Variants in ACSL4 observed in about 807,000 individuals in gnomAD.
The protein encoded by ACSL4 is long-chain-fatty-acid--CoA ligase 4.
A neutral mutation model predicts 49.1 loss-of-function variants in ACSL4; 9 were observed. The observed-to-expected ratio is 0.18, with a 90% CI of 0.11 to 0.32. The LOEUF is 0.32. Among genes scored for constraint, ACSL4 ranks in the 10% least tolerant of loss-of-function variants. ACSL4 has a pLI of 1.00. For synonymous variants in ACSL4, 191 were observed against 170.3 expected (o/e 1.12, Z -0.95); for missense variants, 333 against 493.7 (o/e 0.67, Z 3.08).
At chrX:109,645,065 C>A (rs1489864008) in intron 15 of ACSL4, among the ~76,000 whole-genome samples, 2 of 112,953 alleles carry the variant, frequency 1.8e-5, no homozygotes, top group Non-Finnish European at 3.8e-5. Context: ...AGTCTGAGAT[C>A]AAACTGCAAG....
intron 1 of ACSL4, among the ~76,000 whole-genome samples, chrX:109,697,816 G>A (rs1412287710): frequency 9.4e-6 from 1 of 105,949 alleles, no homozygotes; most frequent in Non-Finnish European, 1.9e-5. Context: ...ATATAAAAAC[G>A]TACACATTTC....
intron 1 of ACSL4, among the ~76,000 whole-genome samples, chrX:109,721,441 A>G (rs992457955): frequency 8.9e-6 from 1 of 112,324 alleles, no homozygotes; most frequent in Non-Finnish European, 1.9e-5. Context: ...ATACCTAAGA[A>G]AAAACAGGGG....
intron 1 of ACSL4, among the ~76,000 whole-genome samples, chrX:109,705,985 T>C (rs1926328389): frequency 8.9e-6 from 1 of 112,949 alleles, no homozygotes; most frequent in Non-Finnish European, 1.9e-5. Flanking sequence ...GCGTAAGCCA[T>C]GGCGCCAGGC....
At chrX:109,706,943 T>C (rs908612255) in intron 1 of ACSL4, among the ~76,000 whole-genome samples, 4 of 112,514 alleles carry the variant, frequency 3.6e-5, no homozygotes, top group African/African-American at 1.3e-4. Flanking sequence ...GAATGTATGT[T>C]TTGTTTTTGT....
chrX:109,709,098 C>A (rs1451798110), intron 1 of ACSL4, among the ~76,000 whole-genome samples: 2 of 111,902 alleles, frequency 1.8e-5, no homozygotes, highest in African/African-American at 6.5e-5. Context: ...ATACTTGCAA[C>A]CTTCTGCCCC....
chrX:109,730,000 T>A (rs183513117), intron 1 of ACSL4, among the ~76,000 whole-genome samples: 7 of 112,222 alleles, frequency 6.2e-5, no homozygotes, highest in Non-Finnish European at 1.1e-4. Context: ...AAAAGGATCC[T>A]TGTGGTGATG....
At chrX:109,684,193 A>C (rs1046833946) in intron 2 of ACSL4, among the ~76,000 whole-genome samples, 2 of 112,470 alleles carry the variant, frequency 1.8e-5, no homozygotes, top group African/African-American at 6.5e-5. Context: ...TCATTAAGGT[A>C]AATTTCTCAG....
intron 2 of ACSL4, among the ~76,000 whole-genome samples, chrX:109,691,241 G>T (rs1286596621): frequency 8.9e-6 from 1 of 111,998 alleles, no homozygotes; most frequent in Admixed American, 9.5e-5. Flanking sequence ...CTATATAAGT[G>T]CTACTTTTTT....
intron 14 of ACSL4, 51 bp from the exon 15 acceptor site, chrX:109,659,562 C>A (rs1464529329): frequency 1.2e-6 from 1 of 851,561 alleles, no homozygotes; most frequent in East Asian, 3.1e-5. Context: ...AAAAGTTATT[C>A]ATAAACTAGT....
chrX:109,644,657 C>G (rs1339612613), intron 15 of ACSL4, among the ~76,000 whole-genome samples: 1 of 112,137 alleles, frequency 8.9e-6, no homozygotes, highest in East Asian at 2.8e-4. Flanking sequence ...CCACTCATAA[C>G]AAAAGAGAAG....
chrX:109,673,383 A>G (rs1437950474), intron 9 of ACSL4, among the ~76,000 whole-genome samples: 1 of 112,063 alleles, frequency 8.9e-6, no homozygotes, highest in Non-Finnish European at 1.9e-5. Context: ...TCTTAGAATT[A>G]AGTGAGATAA....
chrX:109,732,186 A>G (rs901331084), intron 1 of ACSL4, among the ~76,000 whole-genome samples: 2 of 112,170 alleles, frequency 1.8e-5, no homozygotes, highest in Non-Finnish European at 3.8e-5. Context: ...ATTCATTTCA[A>G]TGCCATTTTA....
intron 15 of ACSL4, among the ~76,000 whole-genome samples, chrX:109,650,275 C>T (rs1427011596): frequency 9.1e-6 from 1 of 110,448 alleles, no homozygotes; most frequent in African/African-American, 3.3e-5. Flanking sequence ...TTGGAACCAA[C>T]CCAAATGTCC....
intron 2 of ACSL4, among the ~76,000 whole-genome samples, chrX:109,689,059 T>C (rs1924834573): frequency 9.0e-6 from 1 of 111,333 alleles, no homozygotes; most frequent in African/African-American, 3.3e-5. Context: ...ACTGAGATCA[T>C]CCTTCCACAA....
chrX:109,665,477 C>T lies in ACSL4; in HGVS notation c.1333G>A (p.Gly445Ser). ...TVTEVTDYTT[G>S]RVGAPLICCE... is the part of the protein sequence containing the mutation. ...CAAATAAGAGGTGCTCCAACTCTGC[C>T]AGTAGTATAGTCAGTTACTGTGAGG... Residue 445 changes from glycine (G) to serine (S), a missense_variant, in exon 12 of 16, where the codon GGC becomes AGC. By Grantham distance (56) the Gly-to-Ser change is moderately conservative (BLOSUM62 0). Transcript: ENST00000672401. 8.3e-7 allele frequency: 1 copy of T among 1,208,591 alleles called. No homozygotes were observed. The highest frequency in any genetic ancestry group is 1.1e-6 in the Non-Finnish European group (1 of 892,896).
At chrX:109,710,772 A>G (rs1320279356) in intron 1 of ACSL4, among the ~76,000 whole-genome samples, 3 of 112,169 alleles carry the variant, frequency 2.7e-5, no homozygotes, top group Non-Finnish European at 5.6e-5. Flanking sequence ...GTACAGTGGC[A>G]CAATCATAGC....
Position 109,656,023 on chromosome X carries a change from C to G in ACSL4, c.1855+3331G>C, listed in dbSNP as rs779728582. On this transcript the variant is annotated intron_variant, in intron 15 of 15. Transcript: ENST00000672401. ...GCTGAAGGATGTGCTCTACCCAAAC[C>G]GGCGAGTAAACCAGGAAAGAGACAG... 1.8e-3 allele frequency among the ~76,000 whole-genome samples: 204 copies of G among 110,802 alleles called. 3 individuals carry two copies. Among genetic ancestry groups the G allele is most frequent in the African/African-American group, 6.4e-3 (193 of 30,326 alleles).
intron 15 of ACSL4, among the ~76,000 whole-genome samples, chrX:109,655,776 G>A (rs943044841): frequency 9.0e-6 from 1 of 111,022 alleles, no homozygotes; most frequent in Non-Finnish European, 1.9e-5. Context: ...AGCTAGGAGA[G>A]ATAAAATAGA....
chrX:109,662,059 T>C (rs1363152743), intron 13 of ACSL4, among the ~76,000 whole-genome samples: 1 of 111,379 alleles, frequency 9.0e-6, no homozygotes, highest in Non-Finnish European at 1.9e-5. Context: ...ATCCTCAAGT[T>C]TTATCAGGAT....
Sources: gnomAD v4.1 joint callset for allele counts (sites outside exome capture counted in the v4.1 genomes callset) on GRCh38, gnomAD v4.1.1 for gene constraint, MANE v1.5 for transcripts, NCBI Gene and HGNC (gene_info 2026-07-23, HGNC 2026-07-21) for gene names.